Variants in SMCO4 observed in about 807,000 individuals in gnomAD.
SMCO4 encodes single-pass membrane and coiled-coil domain-containing protein 4.
A neutral mutation model predicts 3.6 loss-of-function variants in SMCO4; 4 were observed. That is an observed-to-expected ratio of 1.11 (90% confidence interval 0.54 to 2.53). SMCO4 has a LOEUF of 2.53. SMCO4 is among the 30% of genes most tolerant of loss of function. The pLI is 0.02. For missense variants in SMCO4, 70 were observed against 80.8 expected (o/e 0.87, Z 0.51); for synonymous variants, 36 against 35.3 (o/e 1.02, Z -0.07).
rs1228057541 is a variant in SMCO4, at chr11:93,541,472, C to T, written c.-154+1804G>A. Reference sequence around the variant, plus strand: ...TACAAGGACCCCAGCATCAGTCAGACAGAAGGAAACCTATAATATTATGCA... The same window carrying T: ...TACAAGGACCCCAGCATCAGTCAGATAGAAGGAAACCTATAATATTATGCA... On this transcript the variant is annotated intron_variant, in intron 1 of 2. Coordinates refer to ENST00000298966, the MANE Select transcript of SMCO4 (RefSeq NM_020179.3). 2.0e-5 allele frequency among the ~76,000 whole-genome samples: 3 copies of T among 152,274 alleles called. No homozygotes were observed. In the East Asian group the frequency reaches 5.8e-4, roughly 29 times the overall value.
chr11:93,495,667 TG>T (rs1948765032), intron 2 of SMCO4, among the ~76,000 whole-genome samples: 1 of 152,104 alleles, frequency 6.6e-6, no homozygotes, highest in Non-Finnish European at 1.5e-5. Flanking sequence ...TCAAAATATG[TG>T]GGTGGGGGAT....
At position 93,489,562 on chromosome 11, in the gene SMCO4, G is replaced by A. The variant is rs556004474; in HGVS notation, c.-81+9714C>T. Among the ~76,000 whole-genome samples, 393 of 152,314 alleles carry A rather than the reference G, an allele frequency of 2.6e-3. 2 individuals carry two copies. The highest frequency in any genetic ancestry group is 4.4e-3 in the Non-Finnish European group (296 of 68,020). On this transcript the variant is annotated intron_variant, in intron 2 of 2. Coordinates refer to ENST00000298966, the MANE Select transcript of SMCO4 (RefSeq NM_020179.3). ...CAGGAAAGTCAGGATGGCACCAACC[G>A]CGCAGGTGTAGGCATAGAAAAAGTA...
At chr11:93,511,851 G>C (rs545446277) in intron 1 of SMCO4, among the ~76,000 whole-genome samples, 60 of 152,310 alleles carry the variant, frequency 3.9e-4, no homozygotes, top group Non-Finnish European at 7.8e-4. Context: ...TGCCATATTC[G>C]TAATTGTTTT....
chr11:93,542,463 C>T (rs191130628), intron 1 of SMCO4, among the ~76,000 whole-genome samples: 4 of 152,296 alleles, frequency 2.6e-5, no homozygotes, highest in Admixed American at 1.3e-4. Flanking sequence ...TTGGAACACC[C>T]CAAACATCTC....
At chr11:93,494,924 T>G (rs1265362329) in intron 2 of SMCO4, among the ~76,000 whole-genome samples, 1 of 152,176 alleles carries the variant, frequency 6.6e-6, no homozygotes, top group African/African-American at 2.4e-5. Flanking sequence ...CTGCATGATC[T>G]GGCTCCTGCC....
rs1949288710 is a variant in SMCO4 at position 93,543,283 on chromosome 11, CG to C, written c.-162del. Reference sequence around the variant, plus strand: ...GCGCCGCTCCCAGCCCACCTGCCCGCGGGCGCCGCCGCCGCCGCCGCCACCA... The same window carrying C: ...GCGCCGCTCCCAGCCCACCTGCCCGCGGCGCCGCCGCCGCCGCCGCCACCA... On this transcript the variant is annotated 5_prime_UTR_variant, in exon 1 of 3. Coordinates refer to ENST00000298966, the MANE Select transcript of SMCO4 (RefSeq NM_020179.3). The C allele has an allele frequency of 6.8e-6, 1 of 147,112 alleles. No individual in the cohort carries two copies. The highest frequency in any genetic ancestry group is 1.5e-5 in the Non-Finnish European group (1 of 65,976). The allele number at this position is 147,112 out of a possible 1,614,324, so 9.1% of individuals were successfully genotyped here.
intron 2 of SMCO4, among the ~76,000 whole-genome samples, chr11:93,484,787 C>T (rs191425101): frequency 5.3e-5 from 8 of 150,190 alleles, no homozygotes; most frequent in Admixed American, 4.0e-4. Flanking sequence ...CAGGTTTGTT[C>T]AAAGGTTTGA....
At chr11:93,535,064 G>A (rs1372703957) in intron 1 of SMCO4, among the ~76,000 whole-genome samples, 1 of 152,158 alleles carries the variant, frequency 6.6e-6, no homozygotes, top group East Asian at 1.9e-4. Flanking sequence ...TGTCTTCCCA[G>A]TGCCCCTCCC....
the SMCO4 span, among the ~76,000 whole-genome samples, chr11:93,553,699 C>A: frequency 6.6e-6 from 1 of 152,192 alleles, no homozygotes; most frequent in African/African-American, 2.4e-5. Context: ...TATTTTAAAG[C>A]TGCATCTTAA....
chr11:93,505,736 C>G (rs1214120368), intron 1 of SMCO4, among the ~76,000 whole-genome samples: 1 of 152,160 alleles, frequency 6.6e-6, no homozygotes, highest in Non-Finnish European at 1.5e-5. Context: ...TAGCTGACCA[C>G]AGATGCCCAT....
At chr11:93,487,300 C>A (rs1480765850) in intron 2 of SMCO4, among the ~76,000 whole-genome samples, 1 of 152,168 alleles carries the variant, frequency 6.6e-6, no homozygotes, top group Non-Finnish European at 1.5e-5. Context: ...CGCAAAGCAC[C>A]TGCTGATAAC....
At chr11:93,539,602 C>G (rs1009244718) in intron 1 of SMCO4, among the ~76,000 whole-genome samples, 5 of 152,150 alleles carry the variant, frequency 3.3e-5, no homozygotes, top group Non-Finnish European at 7.3e-5. Flanking sequence ...TAATAAAATT[C>G]TCAGAGGAAA....
intron 1 of SMCO4, among the ~76,000 whole-genome samples, chr11:93,538,435 C>T (rs113080998): frequency 0.017 from 2,581 of 152,284 alleles, 90 homozygotes; most frequent in African/African-American, 0.059. Flanking sequence ...CCCAGGAAGG[C>T]GTCTTCCCTT....
chr11:93,520,985 G>C (rs1329506046), intron 1 of SMCO4, among the ~76,000 whole-genome samples: 1 of 152,204 alleles, frequency 6.6e-6, no homozygotes, highest in Non-Finnish European at 1.5e-5. Flanking sequence ...AAAACCACCA[G>C]TTTAAGCCTA....
chr11:93,501,022 C>T lies in SMCO4; in HGVS notation c.-153-1674G>A, dbSNP rs78012754. Among the ~76,000 whole-genome samples the T allele has an allele frequency of 3.4e-3, 521 of 152,294 alleles. 16 individuals carry two copies. The East Asian group carries it at 0.072, about 21-fold the overall frequency. ...AGGGCAACTCTGCTATCTGCTCTCC[C>T]CAGATCTGGCCCTGTCTAAATATTC... On this transcript the variant is annotated intron_variant, in intron 1 of 2. Coordinates refer to ENST00000298966, the MANE Select transcript of SMCO4 (RefSeq NM_020179.3).
chr11:93,541,335 C>T (rs1371889357), intron 1 of SMCO4, among the ~76,000 whole-genome samples: 5 of 152,198 alleles, frequency 3.3e-5, no homozygotes, highest in Non-Finnish European at 1.5e-5. Flanking sequence ...CACTGCTTGC[C>T]TTTTACTACA....
chr11:93,520,262 G>A (rs78418059), intron 1 of SMCO4, among the ~76,000 whole-genome samples: 2,253 of 152,258 alleles, frequency 0.015, 106 homozygotes, highest in East Asian at 0.14. Context: ...ATAATTCTGG[G>A]CTCCTGGAAA....
At chr11:93,533,925 G>T (rs1033417744) in intron 1 of SMCO4, among the ~76,000 whole-genome samples, 2 of 152,006 alleles carry the variant, frequency 1.3e-5, no homozygotes, top group Non-Finnish European at 2.9e-5. Context: ...GGTAGCTCAC[G>T]CCTGTAATCC....
chr11:93,496,041 G>A (rs1169852259), intron 2 of SMCO4, among the ~76,000 whole-genome samples: 1 of 152,192 alleles, frequency 6.6e-6, no homozygotes, highest in Non-Finnish European at 1.5e-5. Context: ...CACTCCATGG[G>A]CTGCACTGGG....
Sources: allele counts gnomAD v4.1 joint callset (sites outside exome capture counted in the v4.1 genomes callset), GRCh38; gene constraint gnomAD v4.1.1; transcripts MANE v1.5; gene names NCBI Gene and HGNC (gene_info 2026-07-23, HGNC 2026-07-21).